The following RAPGEF4 variants were observed in gnomAD, a reference collection of about 807,000 sequenced individuals.
RAPGEF4 encodes the protein Rap guanine nucleotide exchange factor 4, also known as RAP guanine-nucleotide-exchange factor (GEF) 4.
RAPGEF4 carries 66 observed loss-of-function variants against 147.9 expected under a neutral mutation model. The observed-to-expected ratio is 0.45, with a 90% CI of 0.37 to 0.55. The LOEUF is 0.55. Ranked by LOEUF, RAPGEF4 falls within the 20% of genes least tolerant of loss-of-function variation. RAPGEF4 has a pLI of 0.00. For synonymous variants in RAPGEF4, 419 were observed against 442.7 expected, an observed-to-expected ratio of 0.95 and a Z score of 0.67; for missense variants, 1,071 against 1,257.3, an observed-to-expected ratio of 0.85 and a Z score of 2.24.
chr2:172,999,510 T>G (rs961359074), intron 16 of RAPGEF4, among the ~76,000 whole-genome samples: 4 of 152,216 alleles, frequency 2.6e-5, no homozygotes, highest in African/African-American at 7.2e-5. Flanking sequence ...TACACTCTCT[T>G]AATTTACCAA....
chr2:173,029,326 G>A (rs980806510), intron 25 of RAPGEF4, among the ~76,000 whole-genome samples: 1 of 152,236 alleles, frequency 6.6e-6, no homozygotes, highest in Admixed American at 6.5e-5. Context: ...TAACCATATT[G>A]ATTCAGGATG....
chr2:172,780,756 A>G (rs2149510017), intron 1 of RAPGEF4, among the ~76,000 whole-genome samples: 1 of 152,258 alleles, frequency 6.6e-6, no homozygotes, highest in Admixed American at 6.5e-5. Flanking sequence ...CATTATTTAT[A>G]TCCACATATA....
At chr2:172,926,065 AG>A (rs1685331850) in intron 6 of RAPGEF4, among the ~76,000 whole-genome samples, 2 of 129,290 alleles carry the variant, frequency 1.5e-5, no homozygotes, top group Middle Eastern at 3.8e-3. Context: ...GAGGGAGGGA[AG>A]TCAGGCAGGC....
At chr2:172,966,202 G>A (rs901817239) in intron 9 of RAPGEF4, among the ~76,000 whole-genome samples, 2 of 152,254 alleles carry the variant, frequency 1.3e-5, no homozygotes, top group African/African-American at 4.8e-5. Context: ...TGCAGGGGCT[G>A]TAATTGAACA....
At chr2:172,750,520 C>T (rs561161902) in intron 1 of RAPGEF4, among the ~76,000 whole-genome samples, 3 of 152,134 alleles carry the variant, frequency 2.0e-5, no homozygotes, top group African/African-American at 7.2e-5. Context: ...GGTCCCGTCC[C>T]GCAACACATA....
chr2:172,752,882 A>G (rs987196662), intron 1 of RAPGEF4, among the ~76,000 whole-genome samples: 3 of 152,212 alleles, frequency 2.0e-5, no homozygotes, highest in Admixed American at 6.5e-5. Flanking sequence ...CTGTTCCTCA[A>G]TTGAATTTTA....
At chr2:172,930,874 G>C (rs912694699) in intron 6 of RAPGEF4, among the ~76,000 whole-genome samples, 1 of 152,026 alleles carries the variant, frequency 6.6e-6, no homozygotes, top group African/African-American at 2.4e-5. Flanking sequence ...GTAAAACAAG[G>C]GCTAAGTCAT....
chr2:172,971,755 A>ATTT (rs10670731), intron 10 of RAPGEF4, among the ~76,000 whole-genome samples: 109 of 149,202 alleles, frequency 7.3e-4, no homozygotes, highest in African/African-American at 2.4e-3. Flanking sequence ...CACATACCCC[A>ATTT]TTTTTTTTTT....
chr2:172,965,324 T>A, intron 8 of RAPGEF4: 1 of 545,258 alleles, frequency 1.8e-6, no homozygotes, highest in Non-Finnish European at 3.3e-6. Context: ...CTACAAGTTG[T>A]AATGCTTTCA....
chr2:172,890,250 A>G (rs773610398), intron 4 of RAPGEF4, among the ~76,000 whole-genome samples: 3 of 152,194 alleles, frequency 2.0e-5, no homozygotes, highest in African/African-American at 4.8e-5. Flanking sequence ...GACTGATAAG[A>G]GCCGGGGCTT....
chr2:172,945,536 T>G (rs1054654790), intron 6 of RAPGEF4, among the ~76,000 whole-genome samples: 1 of 152,270 alleles, frequency 6.6e-6, no homozygotes, highest in Non-Finnish European at 1.5e-5. Flanking sequence ...TTTACAATTT[T>G]CAATCAATAC....
At position 172,814,073 on chromosome 2, in the gene RAPGEF4, C is replaced by T. The variant is rs569635442; in HGVS notation, c.298-206C>T. Among the ~76,000 whole-genome samples, 6 of 152,226 alleles carry T rather than the reference C, an allele frequency of 3.9e-5. No homozygotes were observed. In the South Asian group the frequency reaches 6.2e-4, roughly 16 times the overall value. ...TCTGAGTGTCTTGCCTGGAAAGGGG[C>T]ACGAGGGGACTTTTGGGGTTCATAG... On this transcript the variant is annotated intron_variant, in intron 3 of 30. Transcript: ENST00000397081.
chr2:172,993,569 T>C (rs1313205524), intron 15 of RAPGEF4, among the ~76,000 whole-genome samples: 1 of 152,186 alleles, frequency 6.6e-6, no homozygotes, highest in East Asian at 1.9e-4. Flanking sequence ...GAGTCGCTCT[T>C]TCATGAAATA....
At chr2:172,965,466 T>G in intron 8 of RAPGEF4, 96 bp from the exon 9 acceptor site, 1 of 1,379,910 alleles carries the variant, frequency 7.2e-7, no homozygotes, top group Non-Finnish European at 1.0e-6. Flanking sequence ...AGGAGATCAT[T>G]AAGCCCTTTG....
At chr2:172,961,404 T>G (rs1297986111) in intron 8 of RAPGEF4, among the ~76,000 whole-genome samples, 176 bp downstream of exon 8, 2 of 152,254 alleles carry the variant, frequency 1.3e-5, no homozygotes, top group African/African-American at 4.8e-5. Context: ...TTAATTATCC[T>G]TAATATTCCT....
chr2:172,907,080 G>A (rs1445641891), intron 4 of RAPGEF4, among the ~76,000 whole-genome samples: 3 of 152,150 alleles, frequency 2.0e-5, no homozygotes. Context: ...CCCCAGTCTG[G>A]TGGTTGCTCT....
chr2:173,024,816 C>T (rs987719452), intron 23 of RAPGEF4, among the ~76,000 whole-genome samples: 1 of 152,174 alleles, frequency 6.6e-6, no homozygotes, highest in South Asian at 2.1e-4. Context: ...ATCTGGTACA[C>T]GAAGATGTGC....
intron 10 of RAPGEF4, among the ~76,000 whole-genome samples, chr2:172,974,257 C>G (rs1690820901): frequency 6.6e-6 from 1 of 152,210 alleles, no homozygotes; most frequent in South Asian, 2.1e-4. Context: ...TCAGATCTGC[C>G]TGACTCTTGA....
At chr2:172,995,880 C>T (rs1490074168) in intron 15 of RAPGEF4, among the ~76,000 whole-genome samples, 1 of 152,084 alleles carries the variant, frequency 6.6e-6, no homozygotes, top group Non-Finnish European at 1.5e-5. Flanking sequence ...ATTTATTTCC[C>T]ATTCATGATC....
Sources: gnomAD v4.1 joint callset for allele counts (sites outside exome capture counted in the v4.1 genomes callset) on GRCh38, gnomAD v4.1.1 for gene constraint, MANE v1.5 for transcripts, NCBI Gene and HGNC (gene_info 2026-07-23, HGNC 2026-07-21) for gene names.